CC2D2B: variants seen among roughly 807,000 people sequenced by gnomAD.
CC2D2B encodes protein CC2D2B.
Under a neutral mutation model 161.2 loss-of-function variants are expected in CC2D2B, and 128 were observed. That is an observed-to-expected ratio of 0.79 (90% confidence interval 0.69 to 0.92). The LOEUF is 0.92. CC2D2B is among the 40% of genes least tolerant of loss of function. CC2D2B has a pLI of 0.00. For synonymous variants in CC2D2B, 391 were observed against 449.8 expected (o/e 0.87, Z 1.65); for missense variants, 1,173 against 1,375.1 (o/e 0.85, Z 2.32).
intron 28 of CC2D2B, among the ~76,000 whole-genome samples, chr10:96,013,237 T>A (rs1400415264): frequency 6.6e-6 from 1 of 152,160 alleles, no homozygotes; most frequent in Non-Finnish European, 1.5e-5. Flanking sequence ...AGTCTTTGTC[T>A]CCAGCACTAT....
chr10:95,987,767 C>T (rs77688318), intron 19 of CC2D2B, among the ~76,000 whole-genome samples: 6,292 of 152,186 alleles, frequency 0.041, 259 homozygotes, highest in African/African-American at 0.098. Context: ...GTGACAGAGG[C>T]ATTATTATTA....
chr10:95,981,078 T>C (rs1043419890), intron 17 of CC2D2B, among the ~76,000 whole-genome samples: 1 of 152,132 alleles, frequency 6.6e-6, no homozygotes, highest in Non-Finnish European at 1.5e-5. Context: ...CTAGCCTATC[T>C]TTTACAGCTT....
chr10:95,945,625 C>T lies in CC2D2B; in HGVS notation c.802-4271C>T, dbSNP rs182181580. On this transcript the variant is annotated intron_variant, in intron 9 of 34. Coordinates refer to ENST00000646931, the MANE Select transcript of CC2D2B (RefSeq NM_001349008.3). ...GGATGTTTTTGTGCTTTTATGTAGC[C>T]TTTGATTCATTGTTGCCCAAATCTT... Among the ~76,000 whole-genome samples, 884 of 152,138 alleles carry T rather than the reference C, an allele frequency of 5.8e-3. 8 individuals are homozygous for T. The highest frequency in any genetic ancestry group is 0.02 in the African/African-American group (839 of 41,510).
intron 6 of CC2D2B, among the ~76,000 whole-genome samples, chr10:95,928,142 T>C (rs1316663879): frequency 6.6e-6 from 1 of 152,104 alleles, no homozygotes; most frequent in African/African-American, 2.4e-5. Flanking sequence ...GCCTTCCTAC[T>C]TCCACCTCCC....
chr10:95,923,249 TTGTG>T (rs138330203), intron 3 of CC2D2B, among the ~76,000 whole-genome samples: 13,231 of 150,474 alleles, frequency 0.088, 693 homozygotes, highest in Middle Eastern at 0.17. Flanking sequence ...GCCCCCAAAT[TTGTG>T]TGTGTGTGTG....
At chr10:95,998,102 T>G (rs1220280125) in intron 24 of CC2D2B, among the ~76,000 whole-genome samples, 4 of 152,150 alleles carry the variant, frequency 2.6e-5, no homozygotes, top group Non-Finnish European at 5.9e-5. Context: ...TTTTTTTAAA[T>G]TAAGAGACTT....
chr10:95,934,958 T>C (rs2075765040), intron 6 of CC2D2B, among the ~76,000 whole-genome samples: 1 of 152,032 alleles, frequency 6.6e-6, no homozygotes, highest in African/African-American at 2.4e-5. Context: ...GCAACCTCTG[T>C]CTCCTGGCTT....
intron 6 of CC2D2B, among the ~76,000 whole-genome samples, chr10:95,931,848 T>A (rs1466925892): frequency 3.3e-5 from 5 of 152,264 alleles, no homozygotes; most frequent in Admixed American, 6.5e-5. Flanking sequence ...GAAGAATGTA[T>A]ATTCTGTTGA....
chr10:95,954,039 C>A (rs2076492339), intron 10 of CC2D2B, among the ~76,000 whole-genome samples: 1 of 152,110 alleles, frequency 6.6e-6, no homozygotes, highest in Non-Finnish European at 1.5e-5. Flanking sequence ...CAGTTTACCT[C>A]AAAAACACAT....
intron 20 of CC2D2B, 94 bp from the exon 21 acceptor site, chr10:95,991,273 AATT>A (rs1324202437): frequency 4.6e-5 from 17 of 369,556 alleles, no homozygotes; most frequent in African/African-American, 3.3e-4. Flanking sequence ...TGCTTGCAAA[AATT>A]AGGAGTAAAA....
At chr10:95,947,107 A>ATG (rs1564608955) in intron 9 of CC2D2B, among the ~76,000 whole-genome samples, 9 of 37,998 alleles carry the variant, frequency 2.4e-4, no homozygotes, top group African/African-American at 1.5e-3. Flanking sequence ...ATATATATAT[A>ATG]TATATATTTT....
intron 28 of CC2D2B, 42 bp from the exon 29 acceptor site, chr10:96,013,746 G>A (rs537448249): frequency 8.3e-7 from 1 of 1,199,096 alleles, no homozygotes; most frequent in Admixed American, 1.8e-5. Flanking sequence ...GCTAAGTGAT[G>A]GACATACAGC....
chr10:96,027,458 G>T, intron 34 of CC2D2B, 69 bp downstream of exon 34: 2 of 1,130,134 alleles, frequency 1.8e-6, no homozygotes, highest in Admixed American at 5.9e-5. Context: ...AATAATAGCA[G>T]TCTTAAATAT....
At chr10:95,908,599 G>A (rs2098500341) in intron 1 of CC2D2B, among the ~76,000 whole-genome samples, 1 of 152,060 alleles carries the variant, frequency 6.6e-6, no homozygotes, top group Non-Finnish European at 1.5e-5. Flanking sequence ...AGCTATAGTT[G>A]AGGGGTTATG....
chr10:96,005,062 C>A lies in CC2D2B; in HGVS notation c.2946+814C>A, dbSNP rs1169846944. Among the ~76,000 whole-genome samples the A allele has an allele frequency of 2.6e-5, 4 of 152,104 alleles. No homozygotes were observed. The East Asian group carries it at 5.8e-4, about 22-fold the overall frequency. ...CTTATTAAAGAAACTTTAAATCAAC[C>A]ATGATAAATGCTGAAGGTAAAATAT... On this transcript the variant is annotated intron_variant, in intron 25 of 34. Transcript: ENST00000646931.
intron 9 of CC2D2B, among the ~76,000 whole-genome samples, chr10:95,939,906 C>G (rs1045285646): frequency 1.3e-5 from 2 of 152,206 alleles, no homozygotes; most frequent in Non-Finnish European, 1.5e-5. Context: ...GGCTAATTTT[C>G]TCACTGTCTG....
rs760084974 is a variant in CC2D2B, at chr10:95,974,013, G to A, written c.1800G>A (p.Val600=). Residue 600 remains valine (V), a synonymous_variant, in exon 17 of 35, where the codon GTG becomes GTA. Coordinates refer to ENST00000646931, the MANE Select transcript of CC2D2B (RefSeq NM_001349008.3). The stretch of plus-strand genomic sequence containing the variant: ...TTTAATGCCTTTTATAAACAGATGT[G>A]CCTTTTCTTCTTGAGGGAAATGGAA... ...MPADGEVGSN[V]PFLLEGNGTE... The A allele has an allele frequency of 2.4e-6, 3 of 1,231,196 alleles. No individual in the cohort carries two copies. Among genetic ancestry groups the A allele is most frequent in the Non-Finnish European group, 3.0e-6 (3 of 987,186 alleles). The allele number at this position is 1,231,196 out of a possible 1,614,324, so 76.3% of individuals were successfully genotyped here.
chr10:95,994,367 C>G (rs1198906836), intron 22 of CC2D2B, among the ~76,000 whole-genome samples: 1 of 152,176 alleles, frequency 6.6e-6, no homozygotes, highest in African/African-American at 2.4e-5. Context: ...AAGACTTTCA[C>G]TATTTCTTCT....
intron 6 of CC2D2B, among the ~76,000 whole-genome samples, chr10:95,932,295 C>T (rs1023807777): frequency 1.2e-4 from 19 of 152,140 alleles, no homozygotes; most frequent in Non-Finnish European, 8.8e-5. Context: ...GATGGGTCTC[C>T]TGAATACAGC....
Sources: allele counts gnomAD v4.1 joint callset (sites outside exome capture counted in the v4.1 genomes callset), GRCh38; gene constraint gnomAD v4.1.1; transcripts MANE v1.5; gene names NCBI Gene and HGNC (gene_info 2026-07-23, HGNC 2026-07-21).